Variants in CSNK1G3 observed in about 807,000 individuals in gnomAD.
The protein encoded by CSNK1G3 is casein kinase 1 gamma 3, also known as casein kinase I isoform gamma-3.
Under a neutral mutation model 64.3 loss-of-function variants are expected in CSNK1G3, and 23 were observed. That is an observed-to-expected ratio of 0.36 (90% confidence interval 0.26 to 0.51). CSNK1G3 has a LOEUF of 0.51. CSNK1G3 is among the 20% of genes least tolerant of loss of function. The pLI, the probability that CSNK1G3 is intolerant of heterozygous loss-of-function variation, is 0.96. For synonymous variants in CSNK1G3, 158 were observed against 162.2 expected, an observed-to-expected ratio of 0.97 and a Z score of 0.20; for missense variants, 357 against 510.5, an observed-to-expected ratio of 0.70 and a Z score of 2.90.
At chr5:123,540,247 CT>C (rs1183035584) in intron 1 of CSNK1G3, among the ~76,000 whole-genome samples, 5 of 150,108 alleles carry the variant, frequency 3.3e-5, no homozygotes, top group South Asian at 2.1e-4. Flanking sequence ...TTGAGGGTCT[CT>C]TTTTTTTTCT....
intron 6 of CSNK1G3, among the ~76,000 whole-genome samples, chr5:123,587,449 C>T (rs1791535955): frequency 6.6e-6 from 1 of 152,180 alleles, no homozygotes; most frequent in South Asian, 2.1e-4. Flanking sequence ...TCTTTATTCA[C>T]TTATGTGCTA....
chr5:123,542,020 ACT>A (rs1561484251), intron 1 of CSNK1G3, among the ~76,000 whole-genome samples: 1 of 151,846 alleles, frequency 6.6e-6, no homozygotes, highest in African/African-American at 2.4e-5. Context: ...GTGCGTTTTA[ACT>A]TATCATTGGC....
At chr5:123,576,892 C>A (rs940514121) in intron 6 of CSNK1G3, among the ~76,000 whole-genome samples, 2 of 152,050 alleles carry the variant, frequency 1.3e-5, no homozygotes, top group African/African-American at 2.4e-5. Flanking sequence ...TTTCTAACTC[C>A]ATTATTTCTA....
exon 2 of CSNK1G3, chr5:123,545,789 C>T: frequency 6.2e-7 from 1 of 1,613,576 alleles, no homozygotes; most frequent in Non-Finnish European, 8.5e-7. Flanking sequence ...TTGGACCTAA[C>T]TTTAGAGTTG....
exon 13 of CSNK1G3, chr5:123,614,427 C>G: frequency 6.3e-7 from 1 of 1,590,806 alleles, no homozygotes; most frequent in East Asian, 2.3e-5. Flanking sequence ...TGGGGAGTTA[C>G]TTACATGTTC....
chr5:123,569,253 GTGC>G (rs1242544345), intron 4 of CSNK1G3, among the ~76,000 whole-genome samples: 1 of 152,172 alleles, frequency 6.6e-6, no homozygotes, highest in Non-Finnish European at 1.5e-5. Context: ...CTCCAAAAAT[GTGC>G]TGCTTTCTAT....
chr5:123,615,186 A>T (rs1306072159), exon 13 of CSNK1G3: 1 of 152,662 alleles, frequency 6.6e-6, no homozygotes, highest in Non-Finnish European at 1.5e-5. Flanking sequence ...TGTATGTTAG[A>T]CAGCAAGAAA....
intron 1 of CSNK1G3, among the ~76,000 whole-genome samples, chr5:123,532,637 G>A (rs1044237897): frequency 2.6e-5 from 4 of 151,720 alleles, no homozygotes; most frequent in Admixed American, 6.6e-5. Flanking sequence ...TATTGATGGC[G>A]TCTGTTTTCA....
intron 3 of CSNK1G3, among the ~76,000 whole-genome samples, chr5:123,554,414 A>G (rs933925276): frequency 3.3e-5 from 5 of 152,130 alleles, no homozygotes; most frequent in Non-Finnish European, 7.4e-5. Context: ...TCTAACTAAT[A>G]ATGAGGTATT....
exon 13 of CSNK1G3, chr5:123,614,473 G>A (rs1749115107): frequency 8.0e-7 from 1 of 1,256,908 alleles, no homozygotes; most frequent in African/African-American, 1.6e-5. Flanking sequence ...TCTCTGTAGT[G>A]ACCACGTATA....
chr5:123,577,548 G>A (rs10036728), intron 6 of CSNK1G3, among the ~76,000 whole-genome samples: 30,021 of 135,480 alleles, frequency 0.22, 3,116 homozygotes, highest in Middle Eastern at 0.28. Flanking sequence ...TTCCATATTT[G>A]TATCTTTTTT....
At chr5:123,557,707 G>T in intron 4 of CSNK1G3, 143 bp downstream of exon 4, 1 of 569,004 alleles carries the variant, frequency 1.8e-6, no homozygotes, top group Non-Finnish European at 3.1e-6. Flanking sequence ...TATGGTCTTA[G>T]GATCCCTTTT....
intron 1 of CSNK1G3, among the ~76,000 whole-genome samples, chr5:123,513,229 A>G (rs1353237982): frequency 6.6e-6 from 1 of 152,148 alleles, no homozygotes; most frequent in Admixed American, 6.5e-5. Flanking sequence ...TTGTTTGTTT[A>G]TCCCACATGC....
intron 1 of CSNK1G3, among the ~76,000 whole-genome samples, chr5:123,518,960 A>T (rs1030607842): frequency 6.6e-6 from 1 of 152,204 alleles, no homozygotes; most frequent in Non-Finnish European, 1.5e-5. Flanking sequence ...GGCTTTCTCC[A>T]TGCTGGCCAG....
At chr5:123,610,762 G>A (rs1249269511) in intron 12 of CSNK1G3, among the ~76,000 whole-genome samples, 1 of 152,112 alleles carries the variant, frequency 6.6e-6, no homozygotes, top group Admixed American at 6.6e-5. Flanking sequence ...GATTGCTTGA[G>A]CTCAGGAGTT....
chr5:123,555,651 C>A (rs187538531), intron 3 of CSNK1G3, among the ~76,000 whole-genome samples: 16 of 152,208 alleles, frequency 1.1e-4, no homozygotes, highest in Non-Finnish European at 1.2e-4. Flanking sequence ...CAGCTACCAT[C>A]CTTATATCTT....
intron 1 of CSNK1G3, among the ~76,000 whole-genome samples, chr5:123,525,775 C>T (rs1318376750): frequency 6.6e-6 from 1 of 151,756 alleles, no homozygotes; most frequent in African/African-American, 2.4e-5. Context: ...GGGCGGATCA[C>T]GAGGTCAGGA....
intron 1 of CSNK1G3, among the ~76,000 whole-genome samples, chr5:123,541,135 CTTG>C (rs1406613621): frequency 6.6e-6 from 1 of 152,014 alleles, no homozygotes; most frequent in African/African-American, 2.4e-5. Context: ...TGTCTTATAC[CTTG>C]TTGATTACTG....
chr5:123,557,252 G>A (rs1336359316), intron 3 of CSNK1G3, among the ~76,000 whole-genome samples: 2 of 152,102 alleles, frequency 1.3e-5, no homozygotes, highest in Admixed American at 1.3e-4. Context: ...GGGTCAAAGA[G>A]TCAAACTTAA....
Sources: allele counts gnomAD v4.1 joint callset (sites outside exome capture counted in the v4.1 genomes callset), GRCh38; gene constraint gnomAD v4.1.1; transcripts MANE v1.5; gene names NCBI Gene and HGNC (gene_info 2026-07-23, HGNC 2026-07-21).